GALK2: variants seen among roughly 807,000 people sequenced by gnomAD.
GALK2 encodes the protein galactokinase 2.
A neutral mutation model predicts 52.4 loss-of-function variants in GALK2; 36 were observed. The observed-to-expected ratio is 0.69, with a 90% confidence interval of 0.53 to 0.91. The LOEUF is 0.91. Among genes scored for constraint, GALK2 ranks in the 40% least tolerant of loss-of-function variants. GALK2 has a pLI of 0.00. For missense variants in GALK2, 579 were observed against 559.1 expected (o/e 1.04, Z -0.36); for synonymous variants, 176 against 199.1 (o/e 0.88, Z 0.98).
chr15:49,236,726 T>G (rs1275827283), intron 4 of GALK2, among the ~76,000 whole-genome samples: 3 of 152,168 alleles, frequency 2.0e-5, no homozygotes, highest in African/African-American at 7.2e-5. Context: ...AGAAGTAAAT[T>G]TTGCCTTTGT....
chr15:49,210,502 C>T (rs60144931), intron 2 of GALK2, among the ~76,000 whole-genome samples: 11,689 of 151,686 alleles, frequency 0.077, 1,533 homozygotes, highest in African/African-American at 0.27. Flanking sequence ...TGCAATGGTG[C>T]GATCTCAGCT....
intron 7 of GALK2, among the ~76,000 whole-genome samples, chr15:49,287,393 C>T (rs1346119886): frequency 6.6e-6 from 1 of 152,016 alleles, no homozygotes; most frequent in Non-Finnish European, 1.5e-5. Flanking sequence ...CACTAAAATC[C>T]CAGGTTTTAT....
At chr15:49,238,904 G>A (rs2090961285) in intron 4 of GALK2, among the ~76,000 whole-genome samples, 2 of 151,876 alleles carry the variant, frequency 1.3e-5, no homozygotes, top group African/African-American at 4.8e-5. Flanking sequence ...TTCCATATTT[G>A]TTCAAATCAA....
intron 3 of GALK2, among the ~76,000 whole-genome samples, chr15:49,230,712 C>T (rs1172643472): frequency 6.6e-6 from 1 of 152,178 alleles, no homozygotes; most frequent in Non-Finnish European, 1.5e-5. Context: ...TCCAGACACA[C>T]ACAGGGTAGA....
chr15:49,215,328 C>G (rs1050458085), intron 2 of GALK2, among the ~76,000 whole-genome samples: 1 of 152,198 alleles, frequency 6.6e-6, no homozygotes, highest in East Asian at 1.9e-4. Context: ...CCTGATCTCT[C>G]TATCTCTACA....
chr15:49,354,591 G>C (rs1170718173), intron 3 of GALK2, among the ~76,000 whole-genome samples: 2 of 152,184 alleles, frequency 1.3e-5, no homozygotes, highest in Non-Finnish European at 2.9e-5. Context: ...GGCTGGAAGG[G>C]TCCTACGCCC....
intron 1 of GALK2, among the ~76,000 whole-genome samples, chr15:49,177,417 TACTAGAA>T (rs2085547790): frequency 6.6e-6 from 1 of 152,248 alleles, no homozygotes; most frequent in African/African-American, 2.4e-5. Flanking sequence ...AAGTTTATCT[TACTAGAA>T]ACAAGAGACA....
downstream of GALK2, chr15:49,335,610 G>C: frequency 1.5e-6 from 1 of 665,242 alleles, no homozygotes; most frequent in Non-Finnish European, 2.7e-6. Context: ...CAGTAATGAA[G>C]AGTCTCAAGT....
intron 5 of GALK2, among the ~76,000 whole-genome samples, chr15:49,247,682 C>T (rs147534839): frequency 3.0e-4 from 45 of 152,272 alleles, no homozygotes; most frequent in African/African-American, 1.1e-3. Context: ...GAAGGAAAGG[C>T]TGGGAAACAA....
At chr15:49,300,321 A>G (rs1000482991) in intron 8 of GALK2, among the ~76,000 whole-genome samples, 2 of 151,918 alleles carry the variant, frequency 1.3e-5, no homozygotes, top group Admixed American at 6.6e-5. Context: ...CTTTGAGCCT[A>G]CATGTGTCAT....
chr15:49,327,962 G>A lies in GALK2; in HGVS notation c.1180G>A (p.Ala394Thr), dbSNP rs1174558812. ...QLVDICRKFG[A>T]QGSRLTGAGW... The stretch of plus-strand genomic sequence containing the variant: ...TCCTCACTGTTTTAGGAAGTTTGGG[G>A]CTCAAGGGTCACGACTTACTGGAGC... The change falls in exon 10 of 10, where the codon GCT becomes ACT. Residue 394 changes from alanine to threonine, a missense_variant. Transcript: ENST00000560031. The A allele has an allele frequency of 6.2e-7, 1 of 1,611,534 alleles. No homozygotes were observed. Among genetic ancestry groups the A allele is most frequent in the Non-Finnish European group, 8.5e-7 (1 of 1,178,498 alleles).
chr15:49,220,003 T>C (rs1192033150), intron 3 of GALK2, among the ~76,000 whole-genome samples: 1 of 151,880 alleles, frequency 6.6e-6, no homozygotes, highest in Admixed American at 6.6e-5. Flanking sequence ...ATATTCTTTG[T>C]TGAAGCGTCT....
In GALK2 at chr15:49,328,726, A is replaced by G. The variant is rs1286434978; in HGVS notation, c.*567A>G. 6 of 1,522,772 alleles carry G rather than the reference A, an allele frequency of 3.9e-6. No homozygotes were observed. Among genetic ancestry groups the G allele is most frequent in the Admixed American group, 2.1e-5 (1 of 48,406 alleles). 94.3% of individuals were successfully genotyped at this position (1,522,772 alleles called of 1,614,324 possible). A position where few individuals can be genotyped will look rare whatever the true frequency, so the allele number is the denominator to read the frequency against. On this transcript the variant is annotated 3_prime_UTR_variant, in exon 10 of 10. Coordinates refer to ENST00000560031, the MANE Select transcript of GALK2 (RefSeq NM_002044.4). ...TTTCACAGATCTTCTTGGACATTGT[A>G]TAATTGAATTTGAATGTGAGATTTC...
At chr15:49,236,045 C>G in intron 4 of GALK2, 104 bp downstream of exon 4, 1 of 734,458 alleles carries the variant, frequency 1.4e-6, no homozygotes, top group East Asian at 2.5e-5. Flanking sequence ...ACAGTACTAA[C>G]CGATGCTTCT....
chr15:49,171,560 C>T (rs1038989615), intron 1 of GALK2, among the ~76,000 whole-genome samples: 28 of 152,180 alleles, frequency 1.8e-4, no homozygotes, highest in African/African-American at 6.5e-4. Flanking sequence ...CTTTAGTTAC[C>T]AGAAAGAAGC....
At chr15:49,223,315 GTTC>G (rs977775670) in intron 3 of GALK2, among the ~76,000 whole-genome samples, 7 of 151,810 alleles carry the variant, frequency 4.6e-5, no homozygotes, top group African/African-American at 1.5e-4. Flanking sequence ...TATCAATTTT[GTTC>G]TTCTTTTCAA....
At chr15:49,354,371 G>A (rs533225604) in intron 3 of GALK2, among the ~76,000 whole-genome samples, 8 of 152,302 alleles carry the variant, frequency 5.3e-5, no homozygotes, top group Admixed American at 2.0e-4. Flanking sequence ...GACAGTGGGC[G>A]CAGGTCAGTG....
intron 1 of GALK2, among the ~76,000 whole-genome samples, chr15:49,175,644 G>C (rs966096843): frequency 5.9e-5 from 9 of 151,968 alleles, no homozygotes; most frequent in Non-Finnish European, 1.3e-4. Context: ...AGCCATCTGA[G>C]GTATGTTAAG....
intron 9 of GALK2, chr15:49,326,964 G>A (rs1232624336): frequency 2.0e-5 from 3 of 152,112 alleles, no homozygotes; most frequent in African/African-American, 7.2e-5. Flanking sequence ...ACAAAATTGT[G>A]CTAAATTAAT....
Sources: allele counts gnomAD v4.1 joint callset (sites outside exome capture counted in the v4.1 genomes callset), GRCh38; gene constraint gnomAD v4.1.1; transcripts MANE v1.5; gene names NCBI Gene and HGNC (gene_info 2026-07-23, HGNC 2026-07-21).